Variants in VKORC1L1 observed in about 807,000 individuals in gnomAD.
VKORC1L1 encodes the protein vitamin K epoxide reductase complex subunit 1L1, also known as vitamin K epoxide reductase complex subunit 1-like protein 1.
A neutral mutation model predicts 18.9 loss-of-function variants in VKORC1L1; 2 were observed. The observed-to-expected ratio is 0.11, with a 90% confidence interval of 0.04 to 0.33. The LOEUF (loss-of-function observed/expected upper bound fraction) is 0.33. VKORC1L1 is among the 10% of genes least tolerant of loss of function. VKORC1L1 has a pLI of 1.00. For missense variants in VKORC1L1, 123 were observed against 224.1 expected, an observed-to-expected ratio of 0.55 and a Z score of 2.88; for synonymous variants, 96 against 100.0, an observed-to-expected ratio of 0.96 and a Z score of 0.24.
At chr7:65,947,143 C>A (rs1790133037) in intron 1 of VKORC1L1, among the ~76,000 whole-genome samples, 1 of 150,524 alleles carries the variant, frequency 6.6e-6, no homozygotes, top group African/African-American at 2.5e-5. Flanking sequence ...CTCAAAAAAA[C>A]AAAACAAAAC....
chr7:65,911,498 A>G (rs1191795017), intron 1 of VKORC1L1, among the ~76,000 whole-genome samples: 1 of 152,158 alleles, frequency 6.6e-6, no homozygotes, highest in African/African-American at 2.4e-5. Context: ...GACAGCACCT[A>G]GATAGGTTAT....
At chr7:65,949,719 G>A (rs1001648786) in intron 2 of VKORC1L1, among the ~76,000 whole-genome samples, 1 of 151,620 alleles carries the variant, frequency 6.6e-6, no homozygotes, top group Non-Finnish European at 1.5e-5. Context: ...AAGAGATGGA[G>A]GTTGCAGGGA....
intron 1 of VKORC1L1, among the ~76,000 whole-genome samples, chr7:65,906,715 G>A (rs894413841): frequency 5.3e-5 from 8 of 152,122 alleles, no homozygotes; most frequent in Admixed American, 6.6e-5. Context: ...AGCAGAGTCC[G>A]TGCAACAGAA....
upstream of VKORC1L1, among the ~76,000 whole-genome samples, chr7:65,872,941 C>G (rs1016568808): frequency 3.3e-5 from 5 of 151,268 alleles, no homozygotes. Context: ...CTGGCCCGCT[C>G]GGCCCCGCCC....
chr7:65,917,908 A>G (rs1421158249), intron 1 of VKORC1L1, among the ~76,000 whole-genome samples: 1 of 152,172 alleles, frequency 6.6e-6, no homozygotes, highest in Non-Finnish European at 1.5e-5. Context: ...GGCTTTGCCT[A>G]CCAGGGAACA....
the VKORC1L1 span, among the ~76,000 whole-genome samples, chr7:65,866,242 C>T: frequency 2.6e-5 from 4 of 152,112 alleles, no homozygotes; most frequent in Admixed American, 2.6e-4. Flanking sequence ...TTGAAGACAA[C>T]TGCTTTTAAC....
chr7:65,920,144 C>A (rs911293025), intron 1 of VKORC1L1, among the ~76,000 whole-genome samples: 2 of 152,220 alleles, frequency 1.3e-5, no homozygotes, highest in East Asian at 1.9e-4. Context: ...CTCAGCGAGG[C>A]CTCCTCACCT....
chr7:65,884,179 T>C (rs35257008), intron 1 of VKORC1L1, among the ~76,000 whole-genome samples: 16,901 of 152,190 alleles, frequency 0.11, 1,091 homozygotes, highest in Middle Eastern at 0.2. Context: ...TCTTCCTCCA[T>C]AAAATGAGGG....
chr7:65,867,853 C>T, the VKORC1L1 span, among the ~76,000 whole-genome samples: 1 of 151,996 alleles, frequency 6.6e-6, no homozygotes, highest in Non-Finnish European at 1.5e-5. Flanking sequence ...AAGAAGAGCA[C>T]ATGCTATTAT....
At chr7:65,939,038 G>A (rs928952438) in intron 1 of VKORC1L1, among the ~76,000 whole-genome samples, 17 of 152,206 alleles carry the variant, frequency 1.1e-4, no homozygotes, top group African/African-American at 3.1e-4. Flanking sequence ...CCATGTGACT[G>A]TGGAAAAGAT....
chr7:65,886,357 G>A (rs1404170734), intron 1 of VKORC1L1, among the ~76,000 whole-genome samples: 3 of 152,062 alleles, frequency 2.0e-5, no homozygotes, highest in African/African-American at 7.2e-5. Flanking sequence ...CAGTTTCTGA[G>A]GGTACACATT....
At chr7:65,892,780 C>T (rs2116364481) in intron 1 of VKORC1L1, among the ~76,000 whole-genome samples, 1 of 152,302 alleles carries the variant, frequency 6.6e-6, no homozygotes, top group Non-Finnish European at 1.5e-5. Context: ...GGTCATAAAT[C>T]AGGTAGTTAT....
intron 1 of VKORC1L1, among the ~76,000 whole-genome samples, chr7:65,882,818 A>G (rs1190208089): frequency 2.0e-5 from 3 of 152,218 alleles, no homozygotes; most frequent in Non-Finnish European, 4.4e-5. Context: ...TTTTACCAAA[A>G]TGTTTACGAC....
At chr7:65,883,017 G>T (rs1343312326) in intron 1 of VKORC1L1, among the ~76,000 whole-genome samples, 11 of 151,574 alleles carry the variant, frequency 7.3e-5, no homozygotes. Flanking sequence ...GGTTTTTCTT[G>T]ATACCATGCC....
intron 1 of VKORC1L1, among the ~76,000 whole-genome samples, chr7:65,880,986 T>A (rs1788919355): frequency 1.3e-5 from 2 of 152,304 alleles, no homozygotes; most frequent in South Asian, 4.1e-4. Flanking sequence ...TCATTGGCAC[T>A]CAAAGTTTTG....
At chr7:65,925,326 C>T (rs2115639144) in intron 1 of VKORC1L1, among the ~76,000 whole-genome samples, 1 of 152,324 alleles carries the variant, frequency 6.6e-6, no homozygotes, top group South Asian at 2.1e-4. Flanking sequence ...TTGTCAGATC[C>T]TGTCAGTCTT....
intron 1 of VKORC1L1, among the ~76,000 whole-genome samples, chr7:65,885,071 T>G (rs13236109): frequency 0.12 from 18,896 of 152,232 alleles, 1,321 homozygotes; most frequent in Middle Eastern, 0.21. Flanking sequence ...TGATATTGTG[T>G]AAATATATGT....
intron 1 of VKORC1L1, among the ~76,000 whole-genome samples, chr7:65,901,695 T>C (rs568622649): frequency 6.6e-6 from 1 of 152,218 alleles, no homozygotes. Flanking sequence ...GTTGTCATCA[T>C]TCGTGGGGCA....
In VKORC1L1 at chr7:65,873,575, T is replaced by A. The variant is rs746265319; in HGVS notation, c.194+10T>A. Reference sequence around the variant, plus strand: ...CCGCCCTTGCCTCCAGGTAGCCGGCTTGGGGGAGTGGGCCAGGAGCGGCCG... The same window carrying A: ...CCGCCCTTGCCTCCAGGTAGCCGGCATGGGGGAGTGGGCCAGGAGCGGCCG... On this transcript the variant is annotated intron_variant, in intron 1 of 2. Coordinates refer to ENST00000360768, the MANE Select transcript of VKORC1L1 (RefSeq NM_173517.6). 6.5e-7 allele frequency: 1 copy of A among 1,530,600 alleles called. No individual in the cohort carries two copies. The highest frequency in any genetic ancestry group is 1.4e-5 in the African/African-American group (1 of 71,126). 94.8% of individuals were successfully genotyped at this position (1,530,600 alleles called of 1,614,324 possible).
Sources: allele counts gnomAD v4.1 joint callset (sites outside exome capture counted in the v4.1 genomes callset), GRCh38; gene constraint gnomAD v4.1.1; transcripts MANE v1.5; gene names NCBI Gene and HGNC (gene_info 2026-07-23, HGNC 2026-07-21).